The following SLC9A9 variants were observed in gnomAD, a reference collection of about 807,000 sequenced individuals.
SLC9A9 encodes the protein sodium/hydrogen exchanger 9.
In SLC9A9, 62 loss-of-function variants were observed where a neutral mutation model predicts 77.8. The ratio of observed to expected loss-of-function variants is 0.80; its 90% CI spans 0.65 to 0.98. The LOEUF (loss-of-function observed/expected upper bound fraction) is 0.98, where lower values mean the gene tolerates loss of function less well. Ranked by LOEUF, SLC9A9 falls within the 50% of genes least tolerant of loss-of-function variation. The pLI, the probability that SLC9A9 is intolerant of heterozygous loss-of-function variation, is 0.00. For missense variants in SLC9A9, 775 were observed against 774.9 expected (o/e 1.00, Z 0.00); for synonymous variants, 320 against 283.5 (o/e 1.13, Z -1.29).
At chr3:143,532,681 A>G (rs1202709573) in intron 9 of SLC9A9, among the ~76,000 whole-genome samples, 1 of 152,188 alleles carries the variant, frequency 6.6e-6, no homozygotes, top group African/African-American at 2.4e-5. Flanking sequence ...AAACGGTAAA[A>G]TGTAGCCGAC....
intron 12 of SLC9A9, among the ~76,000 whole-genome samples, chr3:143,443,916 A>G (rs1437389022): frequency 6.6e-6 from 1 of 151,818 alleles, no homozygotes; most frequent in African/African-American, 2.4e-5. Flanking sequence ...AGTCACACAC[A>G]TGACACGATT....
intron 5 of SLC9A9, 122 bp downstream of exon 5, chr3:143,693,070 A>T (rs1201157325): frequency 1.3e-5 from 9 of 718,818 alleles, no homozygotes; most frequent in Non-Finnish European, 2.2e-5. Flanking sequence ...CAGATATGTC[A>T]ACTGCAGGTG....
At chr3:143,487,383 A>C (rs2035671003) in intron 11 of SLC9A9, among the ~76,000 whole-genome samples, 1 of 151,894 alleles carries the variant, frequency 6.6e-6, no homozygotes, top group African/African-American at 2.4e-5. Flanking sequence ...ATAGAATGTA[A>C]GTAAGGGAAT....
chr3:143,806,304 C>T (rs967846371), intron 2 of SLC9A9, among the ~76,000 whole-genome samples: 7 of 152,066 alleles, frequency 4.6e-5, no homozygotes, highest in Middle Eastern at 3.2e-3. Context: ...CATTCCAAAC[C>T]GGCCACTCTC....
chr3:143,793,141 A>G (rs2008271361), intron 4 of SLC9A9, among the ~76,000 whole-genome samples: 1 of 152,196 alleles, frequency 6.6e-6, no homozygotes, highest in Non-Finnish European at 1.5e-5. Context: ...TGGACAACCA[A>G]CAATTTAAAA....
intron 13 of SLC9A9, among the ~76,000 whole-genome samples, chr3:143,370,567 G>GCGCACACACACACACACACACA (rs373398536): frequency 1.4e-5 from 2 of 143,304 alleles, no homozygotes; most frequent in African/African-American, 5.2e-5. Context: ...GCATGTGCGC[G>GCGCACACACACACACACACACA]CACACACACA....
Position 143,386,495 on chromosome 3 carries a change from C to A in SLC9A9, c.1470-4381G>T, listed in dbSNP as rs13066892. ...CTCCATCTTGGTTTCCTCACCAATA[C>A]AATGGGGATAATTAGAGAACTCATT... is the stretch of plus-strand genomic sequence containing the variant. On this transcript the variant is annotated intron_variant, in intron 12 of 15. Coordinates refer to ENST00000316549, the MANE Select transcript of SLC9A9 (RefSeq NM_173653.4). Among the ~76,000 whole-genome samples the A allele has an allele frequency of 4.3e-4, 66 of 152,314 alleles. No individual in the cohort carries two copies. In the Middle Eastern group the frequency reaches 0.01, roughly 24 times the overall value.
chr3:143,408,748 T>A (rs2034034690), intron 12 of SLC9A9, among the ~76,000 whole-genome samples: 1 of 152,056 alleles, frequency 6.6e-6, no homozygotes, highest in African/African-American at 2.4e-5. Flanking sequence ...AACAAGCAAG[T>A]AATGTTAGTA....
chr3:143,548,886 G>A lies in SLC9A9; in HGVS notation c.1089+3476C>T, dbSNP rs115129189. Among the ~76,000 whole-genome samples the A allele has an allele frequency of 2.1e-3, 325 of 152,300 alleles. 2 individuals carry two copies. The highest frequency in any genetic ancestry group is 7.2e-3 in the African/African-American group (301 of 41,550). Reference sequence around the variant, plus strand: ...TATTTGATTAACTGGTATAGACACAGTTGAATAGAACTATTTTGTAAATCA... The same window carrying A: ...TATTTGATTAACTGGTATAGACACAATTGAATAGAACTATTTTGTAAATCA... On this transcript the variant is annotated intron_variant, in intron 9 of 15. Transcript: ENST00000316549.
chr3:143,672,827 C>A (rs1484414891), intron 5 of SLC9A9, among the ~76,000 whole-genome samples: 1 of 152,190 alleles, frequency 6.6e-6, no homozygotes, highest in Non-Finnish European at 1.5e-5. Context: ...CTCCCCCCAA[C>A]CTTTAAAAAA....
chr3:143,280,725 A>AT lies in SLC9A9; in HGVS notation c.1605-11746dup, dbSNP rs537188725. On this transcript the variant is annotated intron_variant, in intron 14 of 15. Transcript: ENST00000316549. ...GCTGCCATGCCCAGCTAATTTTTGT[A>AT]TTTTTTTAGTAGAGACAGGGTTTCA... is the stretch of plus-strand genomic sequence containing the variant. 7.5e-3 allele frequency among the ~76,000 whole-genome samples: 1,132 copies of AT among 151,576 alleles called. 15 individuals carry two copies. Among genetic ancestry groups the AT allele is most frequent in the African/African-American group, 0.025 (1,046 of 41,310 alleles).
intron 12 of SLC9A9, among the ~76,000 whole-genome samples, chr3:143,458,113 T>A (rs956380828): frequency 2.0e-5 from 3 of 152,192 alleles, no homozygotes; most frequent in African/African-American, 7.2e-5. Flanking sequence ...TTTAAAGCTA[T>A]ATTCTTAGGT....
chr3:143,564,741 T>C (rs1298411768), intron 8 of SLC9A9, among the ~76,000 whole-genome samples: 1 of 152,268 alleles, frequency 6.6e-6, no homozygotes, highest in East Asian at 1.9e-4. Flanking sequence ...AACATCAATA[T>C]AGAAAACAGC....
At position 143,266,714 on chromosome 3, in the gene SLC9A9, G is replaced by T; in HGVS notation, c.1926C>A (p.Ser642=). Reference sequence around the variant, plus strand: ...CTCTTCATGCCAATTAATTCAACTGGGATTGACCCAAAGTTTGCTCAAGCT... The same window carrying T: ...CTCTTCATGCCAATTAATTCAACTGTGATTGACCCAAAGTTTGCTCAAGCT... ...ELKLEQTLGQ[S]QLN The change falls in exon 16 of 16, where the codon TCC becomes TCA. Residue 642 remains serine, a synonymous_variant. Coordinates refer to ENST00000316549, the MANE Select transcript of SLC9A9 (RefSeq NM_173653.4). 1 of 1,614,056 alleles carries T rather than the reference G, an allele frequency of 6.2e-7. No individual in the cohort carries two copies. The highest frequency in any genetic ancestry group is 8.5e-7 in the Non-Finnish European group (1 of 1,180,010).
At chr3:143,788,895 G>T (rs1306693146) in intron 4 of SLC9A9, among the ~76,000 whole-genome samples, 1 of 151,684 alleles carries the variant, frequency 6.6e-6, no homozygotes, top group Non-Finnish European at 1.5e-5. Flanking sequence ...TGGACAAAAA[G>T]CTTGAAAAGG....
chr3:143,452,071 C>A (rs1530216), intron 12 of SLC9A9, among the ~76,000 whole-genome samples: 1 of 151,750 alleles, frequency 6.6e-6, no homozygotes, highest in Admixed American at 6.6e-5. Context: ...ATGTAATAGT[C>A]GAATCAGATG....
At chr3:143,362,114 G>T (rs2032770397) in intron 14 of SLC9A9, among the ~76,000 whole-genome samples, 1 of 152,134 alleles carries the variant, frequency 6.6e-6, no homozygotes, top group South Asian at 2.1e-4. Flanking sequence ...CTAAGAACGA[G>T]CTTCCCTTAG....
At chr3:143,511,541 C>T in intron 9 of SLC9A9, among the ~76,000 whole-genome samples, 1 of 152,158 alleles carries the variant, frequency 6.6e-6, no homozygotes, top group Admixed American at 6.5e-5. Context: ...GAAATATGCT[C>T]AGTTTAATTT....
At chr3:143,807,338 AG>A (rs1469364835) in intron 2 of SLC9A9, among the ~76,000 whole-genome samples, 1 of 152,204 alleles carries the variant, frequency 6.6e-6, no homozygotes, top group Non-Finnish European at 1.5e-5. Flanking sequence ...CAGTCCAAAA[AG>A]TTTTTTTACT....
Sources: gnomAD v4.1 joint callset for allele counts (sites outside exome capture counted in the v4.1 genomes callset) on GRCh38, gnomAD v4.1.1 for gene constraint, MANE v1.5 for transcripts, NCBI Gene and HGNC (gene_info 2026-07-23, HGNC 2026-07-21) for gene names.